TUBGCP3: variants seen among roughly 807,000 people sequenced by gnomAD.
TUBGCP3 encodes gamma-tubulin complex component 3.
A neutral mutation model predicts 123.1 loss-of-function variants in TUBGCP3; 50 were observed. The observed-to-expected ratio is 0.41, with a 90% confidence interval of 0.32 to 0.51. The LOEUF is 0.51. Among genes scored for constraint, TUBGCP3 ranks in the 20% least tolerant of loss-of-function variants. The pLI is 0.36. For missense variants in TUBGCP3, 882 were observed against 1,127.0 expected, an observed-to-expected ratio of 0.78 and a Z score of 3.11; for synonymous variants, 405 against 413.9, an observed-to-expected ratio of 0.98 and a Z score of 0.26.
In TUBGCP3 at chr13:112,572,947, C is replaced by T. The variant is rs1054212083; in HGVS notation, c.77-3688G>A. 3.9e-5 allele frequency among the ~76,000 whole-genome samples: 6 copies of T among 152,056 alleles called. No homozygotes were observed. The East Asian group carries it at 5.8e-4, about 15-fold the overall frequency. ...GTATCTGTAAAGGACAATAAGATGACGTGTGCCTGTCCTCCACAAGGAAGC... is the reference window on the plus strand; with the variant it reads ...GTATCTGTAAAGGACAATAAGATGATGTGTGCCTGTCCTCCACAAGGAAGC... On this transcript the variant is annotated intron_variant, in intron 1 of 21. Coordinates refer to ENST00000261965, the MANE Select transcript of TUBGCP3 (RefSeq NM_006322.6).
intron 10 of TUBGCP3, chr13:112,547,371 TC>T (rs1305786108): frequency 7.7e-6 from 4 of 519,916 alleles, no homozygotes; most frequent in Non-Finnish European, 1.2e-5. Context: ...AGTGGTTACG[TC>T]CCCTCTTGGC....
chr13:112,514,375 G>A (rs1021469702), intron 17 of TUBGCP3, among the ~76,000 whole-genome samples: 8 of 152,110 alleles, frequency 5.3e-5, no homozygotes, highest in Non-Finnish European at 1.2e-4. Flanking sequence ...AAAGAGGCCA[G>A]GCATGGTGGC....
At chr13:112,543,729 G>C (rs1420523789) in intron 11 of TUBGCP3, among the ~76,000 whole-genome samples, 1 of 152,034 alleles carries the variant, frequency 6.6e-6, no homozygotes, top group African/African-American at 2.4e-5. Flanking sequence ...ATGATTCTTC[G>C]TACTATTTTT....
intron 1 of TUBGCP3, chr13:112,587,141 C>T (rs575629994): frequency 6.6e-6 from 1 of 152,256 alleles, no homozygotes; most frequent in African/African-American, 2.4e-5. Flanking sequence ...CACTCTCTGC[C>T]CCACCAACCT....
At chr13:112,558,472 C>A in intron 4 of TUBGCP3, 59 bp from the exon 5 acceptor site, 3 of 1,381,768 alleles carry the variant, frequency 2.2e-6, no homozygotes, top group East Asian at 2.4e-5. Flanking sequence ...TCTTCCCAAA[C>A]CTAAAAAGGT....
rs910024592 is a variant in TUBGCP3 at position 112,588,003 on chromosome 13, T to C, written c.-23A>G. ...CATCCTCGCCCGGAGCCGTGCACGGTGGTCCGGGCAGAGCCGCCACTGCCG... is the reference window on the plus strand; with the variant it reads ...CATCCTCGCCCGGAGCCGTGCACGGCGGTCCGGGCAGAGCCGCCACTGCCG... On this transcript the variant is annotated 5_prime_UTR_variant, in exon 1 of 22. Coordinates refer to ENST00000261965, the MANE Select transcript of TUBGCP3 (RefSeq NM_006322.6). The C allele has an allele frequency of 8.8e-6, 13 of 1,485,146 alleles. No homozygotes were observed. Among genetic ancestry groups the C allele is most frequent in the Admixed American group, 2.2e-5 (1 of 44,572 alleles). The allele number at this position is 1,485,146 out of a possible 1,614,324, so 92.0% of individuals were successfully genotyped here.
chr13:112,575,870 C>T (rs1566590815), intron 1 of TUBGCP3, among the ~76,000 whole-genome samples: 1 of 152,216 alleles, frequency 6.6e-6, no homozygotes, highest in Admixed American at 6.5e-5. Flanking sequence ...AGGAGCACCA[C>T]AGTCACTGGA....
At chr13:112,493,586 A>T (rs1206494335) in intron 20 of TUBGCP3, among the ~76,000 whole-genome samples, 1 of 149,894 alleles carries the variant, frequency 6.7e-6, no homozygotes, top group African/African-American at 2.5e-5. Context: ...TAGCTATAGG[A>T]ACATGGCCTG....
At chr13:112,526,177 C>T (rs956034039) in intron 13 of TUBGCP3, among the ~76,000 whole-genome samples, 1 of 151,706 alleles carries the variant, frequency 6.6e-6, no homozygotes, top group Non-Finnish European at 1.5e-5. Context: ...ACTATCATCA[C>T]CACCATCACT....
rs187071564 is a variant in TUBGCP3 at position 112,523,829 on chromosome 13, T to C, written c.1556-1320A>G. ...CACTATTTATTCTTTATTCACACTT[T>C]TAAATCTTCATAACTTTTTCACAGA... On this transcript the variant is annotated intron_variant, in intron 13 of 21. Transcript: ENST00000261965. Among the ~76,000 whole-genome samples, 4 of 152,368 alleles carry C rather than the reference T, an allele frequency of 2.6e-5. No individual in the cohort carries two copies. The East Asian group carries it at 7.7e-4, about 29-fold the overall frequency.
intron 14 of TUBGCP3, chr13:112,521,674 TA>T: frequency 1.0e-6 from 1 of 985,436 alleles, no homozygotes; most frequent in Non-Finnish European, 1.2e-6. Flanking sequence ...TTAAGTGTCC[TA>T]AAAGGAACAC....
At chr13:112,523,967 GC>G (rs1178489670) in intron 13 of TUBGCP3, among the ~76,000 whole-genome samples, 2 of 152,060 alleles carry the variant, frequency 1.3e-5, no homozygotes, top group Non-Finnish European at 2.9e-5. Flanking sequence ...CAGAAACTTT[GC>G]TCTCCGCAGA....
intron 3 of TUBGCP3, among the ~76,000 whole-genome samples, chr13:112,562,233 G>A (rs2139244388): frequency 6.6e-6 from 1 of 151,544 alleles, no homozygotes; most frequent in South Asian, 2.1e-4. Flanking sequence ...CCACCAGCCA[G>A]GGCCTACTAG....
chr13:112,489,671 C>T lies in TUBGCP3; in HGVS notation c.2475G>A (p.Glu825=), dbSNP rs1428543517. The T allele has an allele frequency of 3.1e-6, 5 of 1,614,060 alleles. No homozygotes were observed. The highest frequency in any genetic ancestry group is 4.2e-6 in the Non-Finnish European group (5 of 1,180,032). The change falls in exon 21 of 22, where the codon GAG becomes GAA. Residue 825 remains glutamate, a synonymous_variant. Coordinates refer to ENST00000261965, the MANE Select transcript of TUBGCP3 (RefSeq NM_006322.6). The stretch of plus-strand genomic sequence containing the variant: ...CAATCCTCTTATTTTCCTCCTCTTC[C>T]TCTGCTGCCGTCACTCCCCACTGGC... ...IEGQWGVTAA[E]EEEENKRIGE... is the part of the protein sequence containing the mutation.
intron 17 of TUBGCP3, among the ~76,000 whole-genome samples, chr13:112,507,667 C>A (rs1271294482): frequency 6.6e-6 from 1 of 152,192 alleles, no homozygotes; most frequent in Non-Finnish European, 1.5e-5. Context: ...ATTTCTGAGG[C>A]TTCCTCCAGA....
the TUBGCP3 span, among the ~76,000 whole-genome samples, chr13:112,597,233 T>A: frequency 1.3e-5 from 2 of 152,246 alleles, no homozygotes; most frequent in Admixed American, 1.3e-4. Flanking sequence ...ATGGTAAAAT[T>A]GCAGAATACA....
At chr13:112,490,206 A>G (rs950442554) in intron 20 of TUBGCP3, among the ~76,000 whole-genome samples, 3 of 152,246 alleles carry the variant, frequency 2.0e-5, no homozygotes, top group African/African-American at 7.2e-5. Context: ...TTTTCAATCA[A>G]TGATGAATTT....
chr13:112,505,066 T>C (rs1881201013), intron 17 of TUBGCP3, among the ~76,000 whole-genome samples: 1 of 152,218 alleles, frequency 6.6e-6, no homozygotes, highest in Non-Finnish European at 1.5e-5. Context: ...TACAATTAGT[T>C]TGCCTGCTGT....
intron 20 of TUBGCP3, among the ~76,000 whole-genome samples, chr13:112,495,781 A>G (rs1041649062): frequency 2.0e-5 from 3 of 152,196 alleles, no homozygotes; most frequent in African/African-American, 7.2e-5. Context: ...TCTGTTTTAT[A>G]AGTAAAAGCA....
Sources: gnomAD v4.1 joint callset for allele counts (sites outside exome capture counted in the v4.1 genomes callset) on GRCh38, gnomAD v4.1.1 for gene constraint, MANE v1.5 for transcripts, NCBI Gene and HGNC (gene_info 2026-07-23, HGNC 2026-07-21) for gene names.